Variants in FRA10AC1 observed in about 807,000 individuals in gnomAD.
The protein encoded by FRA10AC1 is protein FRA10AC1.
A neutral mutation model predicts 56.5 loss-of-function variants in FRA10AC1; 43 were observed. The observed-to-expected ratio is 0.76, with a 90% CI of 0.60 to 0.98. The LOEUF is 0.98. Among genes scored for constraint, FRA10AC1 ranks in the 50% least tolerant of loss-of-function variants. The pLI is 0.00. For missense variants in FRA10AC1, 346 were observed against 351.8 expected (o/e 0.98, Z 0.13); for synonymous variants, 112 against 110.5 (o/e 1.01, Z -0.09).
At chr10:93,673,730 G>A (rs761867183) in intron 12 of FRA10AC1, 1 of 437,036 alleles carries the variant, frequency 2.3e-6, no homozygotes, top group Non-Finnish European at 4.6e-6. Flanking sequence ...AGGTTATCAA[G>A]GACTTACTTT....
At chr10:93,702,634 C>T (rs1446722241), upstream of FRA10AC1, 1 of 193,276 alleles carries the variant, frequency 5.2e-6, no homozygotes, top group Non-Finnish European at 1.1e-5. Context: ...GGCACCGTCC[C>T]CCGAGTGCGC....
At chr10:93,691,357 T>C (rs1005122576) in intron 7 of FRA10AC1, among the ~76,000 whole-genome samples, 1 of 152,070 alleles carries the variant, frequency 6.6e-6, no homozygotes, top group South Asian at 2.1e-4. Context: ...TTTTAGTTTT[T>C]GTGGAGACAA....
chr10:93,695,380 G>A (rs1336512258), intron 4 of FRA10AC1, among the ~76,000 whole-genome samples: 1 of 151,516 alleles, frequency 6.6e-6, no homozygotes, highest in East Asian at 1.9e-4. Context: ...CTAAATAGAA[G>A]ATGCAACTTT....
At chr10:93,695,025 A>G (rs907595234) in intron 4 of FRA10AC1, 88 bp from the exon 5 acceptor site, 11 of 717,580 alleles carry the variant, frequency 1.5e-5, no homozygotes, top group Admixed American at 9.0e-5. Context: ...AAAAAGCACA[A>G]TATGAGTCTA....
rs939121798 is a variant in FRA10AC1, at chr10:93,668,883, G to A, written c.*943C>T. The A allele has an allele frequency of 3.3e-5, 5 of 152,170 alleles. No homozygotes were observed. The highest frequency in any genetic ancestry group is 1.3e-4 in the Admixed American group (2 of 15,266). 9.4% of individuals were successfully genotyped at this position (152,170 alleles called of 1,614,324 possible). A position where few individuals can be genotyped will look rare whatever the true frequency, so the allele number is the denominator to read the frequency against. ...GGGGACACAGAGCCAAACCATATCA[G>A]AGGTATATTCATATTTGCATGAGTA... On this transcript the variant is annotated 3_prime_UTR_variant, in exon 14 of 14. Coordinates refer to ENST00000359204, the MANE Select transcript of FRA10AC1 (RefSeq NM_145246.5).
chr10:93,698,489 T>C (rs2059272919), intron 2 of FRA10AC1, 93 bp from the exon 3 acceptor site: 4 of 689,252 alleles, frequency 5.8e-6, no homozygotes, highest in Admixed American at 2.7e-5. Flanking sequence ...CTTTAAAGAA[T>C]GTAAGTCTTA....
In FRA10AC1 at chr10:93,690,726, C is replaced by T. The variant is rs186536932; in HGVS notation, c.465+1283G>A. Among the ~76,000 whole-genome samples, 51 of 152,306 alleles carry T rather than the reference C, an allele frequency of 3.3e-4. 1 individual carries two copies. Among genetic ancestry groups the T allele is most frequent in the Admixed American group, 2.9e-3 (45 of 15,288 alleles). The stretch of plus-strand genomic sequence containing the variant: ...AGACATAATTTTCACACTTGATTTA[C>T]AATACAGTAACTTTAAGTAACTCCA... On this transcript the variant is annotated intron_variant, in intron 7 of 13. Transcript: ENST00000359204.
intron 9 of FRA10AC1, among the ~76,000 whole-genome samples, chr10:93,684,635 G>C (rs1301881890): frequency 2.0e-5 from 3 of 151,810 alleles, no homozygotes; most frequent in East Asian, 1.9e-4. Flanking sequence ...CTTTTATTAG[G>C]TATGAGCAGA....
intron 12 of FRA10AC1, chr10:93,674,456 T>C (rs2058811954): frequency 6.6e-6 from 1 of 152,106 alleles, no homozygotes; most frequent in South Asian, 2.1e-4. Flanking sequence ...ATATCTGGGG[T>C]TGGCATACCA....
At chr10:93,672,304 C>A in intron 12 of FRA10AC1, 1 of 202,076 alleles carries the variant, frequency 4.9e-6, no homozygotes, top group Non-Finnish European at 1.0e-5. Flanking sequence ...TGGGGGAGGG[C>A]ATTTTGTATT....
intron 5 of FRA10AC1, among the ~76,000 whole-genome samples, chr10:93,693,658 CAT>C (rs1166942322): frequency 5.3e-5 from 6 of 114,074 alleles, no homozygotes; most frequent in Non-Finnish European, 1.1e-4. Flanking sequence ...ATATATATAC[CAT>C]ATATATATAC....
chr10:93,702,917 GGAT>G, upstream of FRA10AC1: 1 of 444,232 alleles, frequency 2.3e-6, no homozygotes, highest in Admixed American at 2.5e-5. Flanking sequence ...CCTCCTCGGA[GGAT>G]CCTCTCAGAG....
intron 11 of FRA10AC1, among the ~76,000 whole-genome samples, chr10:93,679,073 C>T (rs1158521960): frequency 2.0e-5 from 3 of 152,052 alleles, no homozygotes; most frequent in Admixed American, 6.5e-5. Flanking sequence ...CATGGTTTTC[C>T]TAAAAGTTTG....
At chr10:93,681,991 G>A (rs1220220666) in intron 10 of FRA10AC1, among the ~76,000 whole-genome samples, 1 of 151,782 alleles carries the variant, frequency 6.6e-6, no homozygotes, top group Non-Finnish European at 1.5e-5. Flanking sequence ...CAAAGAAGAA[G>A]AAACTGCTGA....
intron 10 of FRA10AC1, among the ~76,000 whole-genome samples, chr10:93,683,036 A>G (rs754232398): frequency 6.6e-6 from 1 of 152,214 alleles, no homozygotes; most frequent in Non-Finnish European, 1.5e-5. Flanking sequence ...ACTGTTATCC[A>G]GCGCATAAAA....
At chr10:93,671,048 A>C in intron 12 of FRA10AC1, 200 bp from the exon 13 acceptor site, 1 of 478,822 alleles carries the variant, frequency 2.1e-6, no homozygotes, top group Non-Finnish European at 3.8e-6. Context: ...GAATCTCAGC[A>C]AAAAGGCCAA....
At chr10:93,682,055 A>G (rs2058944424) in intron 10 of FRA10AC1, among the ~76,000 whole-genome samples, 1 of 152,186 alleles carries the variant, frequency 6.6e-6, no homozygotes, top group Non-Finnish European at 1.5e-5. Flanking sequence ...ATAAAGGAAT[A>G]TAGTAGAAGC....
rs553475118 is a variant in FRA10AC1 at position 93,678,447 on chromosome 10, G to C, written c.788-1756C>G. On this transcript the variant is annotated intron_variant, in intron 11 of 13. Transcript: ENST00000359204. ...TATGAGAGTTGATGGGATTACACTG[G>C]GAGTACAGAGAGAAACTAGAGAAAT... Among the ~76,000 whole-genome samples, 32 of 152,208 alleles carry C rather than the reference G, an allele frequency of 2.1e-4. No individual in the cohort carries two copies. The East Asian group carries it at 5.4e-3, about 26-fold the overall frequency.
intron 7 of FRA10AC1, among the ~76,000 whole-genome samples, chr10:93,691,649 C>T (rs1162384364): frequency 6.6e-6 from 1 of 152,188 alleles, no homozygotes; most frequent in Non-Finnish European, 1.5e-5. Context: ...CAGTTTCAAA[C>T]ATCATCTGTG....
Sources: allele counts gnomAD v4.1 joint callset (sites outside exome capture counted in the v4.1 genomes callset), GRCh38; gene constraint gnomAD v4.1.1; transcripts MANE v1.5; gene names NCBI Gene and HGNC (gene_info 2026-07-23, HGNC 2026-07-21).